Variants in COBLL1 observed in about 807,000 individuals in gnomAD.
The protein encoded by COBLL1 is cordon-bleu protein-like 1.
A neutral mutation model predicts 94.8 loss-of-function variants in COBLL1; 50 were observed. That is an observed-to-expected ratio of 0.53 (90% CI 0.42 to 0.67). The LOEUF (loss-of-function observed/expected upper bound fraction) is 0.67. Ranked by LOEUF, COBLL1 falls within the 30% of genes least tolerant of loss-of-function variation. The pLI, the probability that COBLL1 is intolerant of heterozygous loss-of-function variation, is 0.00. For synonymous variants in COBLL1, 448 were observed against 473.8 expected (o/e 0.95, Z 0.71); for missense variants, 1,362 against 1,348.7 (o/e 1.01, Z -0.15).
chr2:164,717,424 C>G (rs1685224850), intron 7 of COBLL1, among the ~76,000 whole-genome samples: 1 of 152,068 alleles, frequency 6.6e-6, no homozygotes, highest in South Asian at 2.1e-4. Flanking sequence ...TGATAATGAC[C>G]ATCTTTGATT....
At chr2:164,711,426 T>C (rs939654356) in intron 7 of COBLL1, among the ~76,000 whole-genome samples, 4 of 152,194 alleles carry the variant, frequency 2.6e-5, no homozygotes, top group Non-Finnish European at 4.4e-5. Flanking sequence ...TTGGAATCAG[T>C]CTCAGTAATA....
At chr2:164,801,127 A>T (rs1222033089) in intron 2 of COBLL1, among the ~76,000 whole-genome samples, 2 of 152,026 alleles carry the variant, frequency 1.3e-5, no homozygotes, top group Non-Finnish European at 2.9e-5. Context: ...GTGAGATCTC[A>T]TCACTCCAAA....
At chr2:164,836,955 A>C (rs539090240) in intron 2 of COBLL1, among the ~76,000 whole-genome samples, 5 of 152,330 alleles carry the variant, frequency 3.3e-5, no homozygotes, top group Admixed American at 1.3e-4. Flanking sequence ...TCCCATGTTG[A>C]AACCTCAGAG....
At chr2:164,782,583 G>A (rs1017682144) in intron 2 of COBLL1, among the ~76,000 whole-genome samples, 31 of 152,046 alleles carry the variant, frequency 2.0e-4, no homozygotes, top group African/African-American at 7.2e-4. Context: ...AACTGTTCTG[G>A]GCTAGGATAG....
At chr2:164,806,414 A>AT (rs1043366193) in intron 2 of COBLL1, among the ~76,000 whole-genome samples, 43 of 152,278 alleles carry the variant, frequency 2.8e-4, no homozygotes, top group African/African-American at 9.4e-4. Flanking sequence ...TTAATTTTGG[A>AT]TTTTACAACC....
intron 3 of COBLL1, among the ~76,000 whole-genome samples, chr2:164,740,762 T>A (rs1392133554): frequency 1.3e-5 from 2 of 152,072 alleles, no homozygotes; most frequent in Non-Finnish European, 2.9e-5. Context: ...TGATATAAAG[T>A]GTCGGAAGAT....
upstream of COBLL1, chr2:164,842,040 G>T (rs1211791392): frequency 6.5e-7 from 1 of 1,533,708 alleles, no homozygotes; most frequent in Middle Eastern, 1.7e-4. Context: ...CCAGCTCGGC[G>T]GCATTGGAGC....
intron 2 of COBLL1, among the ~76,000 whole-genome samples, chr2:164,830,680 T>A (rs1432357154): frequency 6.6e-6 from 1 of 152,186 alleles, no homozygotes; most frequent in Non-Finnish European, 1.5e-5. Flanking sequence ...ATTTACGACA[T>A]ACTTCTACAT....
At chr2:164,759,581 TA>T (rs1687583588) in intron 2 of COBLL1, among the ~76,000 whole-genome samples, 1 of 152,030 alleles carries the variant, frequency 6.6e-6, no homozygotes, top group African/African-American at 2.4e-5. Context: ...CATCAAAAAT[TA>T]AAAACTTCTG....
At chr2:164,767,617 C>T (rs900587601) in intron 2 of COBLL1, among the ~76,000 whole-genome samples, 2 of 152,136 alleles carry the variant, frequency 1.3e-5, no homozygotes, top group Admixed American at 6.5e-5. Context: ...TCCTTTTCTA[C>T]GTAGATCAAA....
At position 164,805,331 on chromosome 2, in the gene COBLL1, C is replaced by CTATATATA. The variant is rs1287905601; in HGVS notation, c.41+35824_41+35825insTATATATA. Among the ~76,000 whole-genome samples the CTATATATA allele has an allele frequency of 3.3e-3, 70 of 21,262 alleles. 2 individuals carry two copies. The highest frequency in any genetic ancestry group is 4.7e-3 in the African/African-American group (26 of 5,534). 13.9% of individuals were successfully genotyped at this position (21,262 alleles called of 152,430 possible). A position where few individuals can be genotyped will look rare whatever the true frequency, so the allele number is the denominator to read the frequency against. ...TCTCTCTCTCTCTCTCTCTCTCTCT[C>CTATATATA]TCTCTCTATATATATATATATATAT... is the stretch of plus-strand genomic sequence containing the variant. On this transcript the variant is annotated intron_variant, in intron 2 of 13. Transcript: ENST00000652658.
At chr2:164,740,068 T>C (rs1392211929) in intron 3 of COBLL1, among the ~76,000 whole-genome samples, 1 of 152,160 alleles carries the variant, frequency 6.6e-6, no homozygotes, top group Non-Finnish European at 1.5e-5. Context: ...ACACTTAAAA[T>C]AGAAAATTAG....
chr2:164,714,834 C>T (rs2105480755), intron 7 of COBLL1, among the ~76,000 whole-genome samples: 1 of 152,236 alleles, frequency 6.6e-6, no homozygotes. Context: ...ATTTTCAATA[C>T]TATTTTATTA....
chr2:164,837,773 TTG>T (rs1683387277), intron 2 of COBLL1, among the ~76,000 whole-genome samples: 2 of 152,310 alleles, frequency 1.3e-5, no homozygotes, highest in South Asian at 4.1e-4. Context: ...ACCGAAACTG[TTG>T]TGACTCAATG....
intron 2 of COBLL1, among the ~76,000 whole-genome samples, chr2:164,816,028 T>G (rs1473553397): frequency 6.6e-6 from 1 of 152,126 alleles, no homozygotes; most frequent in Non-Finnish European, 1.5e-5. Context: ...ACTAAGAAGT[T>G]TATAATTTTG....
At chr2:164,699,278 C>T in intron 11 of COBLL1, 127 bp downstream of exon 11, 1 of 682,872 alleles carries the variant, frequency 1.5e-6, no homozygotes, top group South Asian at 1.7e-5. Context: ...CCATAATATC[C>T]ATAAATGAGG....
intron 1 of COBLL1, among the ~76,000 whole-genome samples, chr2:164,672,705 C>CAAAAAAA (rs1187183800): frequency 1.2e-3 from 77 of 64,930 alleles, no homozygotes; most frequent in African/African-American, 3.6e-3. Context: ...GACTCCGTCT[C>CAAAAAAA]AAAAAAAAAA....
chr2:164,837,252 T>A (rs927538079), intron 2 of COBLL1, among the ~76,000 whole-genome samples: 2 of 151,954 alleles, frequency 1.3e-5, no homozygotes, highest in Admixed American at 6.6e-5. Flanking sequence ...TTTTTTTTTT[T>A]AAAGCATATC....
In COBLL1 at chr2:164,695,204, C is replaced by T; in HGVS notation, c.2188G>A (p.Gly730Ser). The change falls in exon 12 of 14, where the codon GGC (glycine) becomes AGC (serine). Residue 730 changes from glycine (G) to serine (S), a missense_variant. By Grantham distance (56) the Gly-to-Ser change is moderately conservative. Coordinates refer to ENST00000652658, the MANE Select transcript of COBLL1 (RefSeq NM_001365672.2). ...EITREYIPKI[G>S]MTTYKIVPPK... ...GGCACTATTTTATAAGTAGTCATGC[C>T]AATTTTGGGTATATACTCTCGTGTA... is the stretch of plus-strand genomic sequence containing the variant. 6.2e-7 allele frequency: 1 copy of T among 1,613,796 alleles called. No homozygotes were observed.
Sources: gnomAD v4.1 joint callset for allele counts (sites outside exome capture counted in the v4.1 genomes callset) on GRCh38, gnomAD v4.1.1 for gene constraint, MANE v1.5 for transcripts, NCBI Gene and HGNC (gene_info 2026-07-23, HGNC 2026-07-21) for gene names.